Variants in MDGA2 observed in about 807,000 individuals in gnomAD.
MDGA2 encodes the protein MAM domain containing glycosylphosphatidylinositol anchor 2.
MDGA2 carries 40 observed loss-of-function variants against 117.8 expected under a neutral mutation model. The observed-to-expected ratio is 0.34, with a 90% CI of 0.26 to 0.44. MDGA2 has a LOEUF of 0.44. Ranked by LOEUF, MDGA2 falls within the 20% of genes least tolerant of loss-of-function variation. The pLI, the probability that MDGA2 is intolerant of heterozygous loss-of-function variation, is 1.00. For missense variants in MDGA2, 1,123 were observed against 1,250.6 expected (o/e 0.90, Z 1.54); for synonymous variants, 452 against 439.0 (o/e 1.03, Z -0.37).
intron 1 of MDGA2, among the ~76,000 whole-genome samples, chr14:47,646,525 C>G (rs1897538248): frequency 1.3e-5 from 2 of 152,088 alleles, no homozygotes; most frequent in South Asian, 4.1e-4. Context: ...GGTCAGCCAC[C>G]TACTAGTTGG....
intron 1 of MDGA2, among the ~76,000 whole-genome samples, chr14:47,522,253 A>G (rs1454032004): frequency 6.6e-6 from 1 of 152,066 alleles, no homozygotes; most frequent in Non-Finnish European, 1.5e-5. Flanking sequence ...GATTAATCAA[A>G]ACAACATAAT....
intron 8 of MDGA2, among the ~76,000 whole-genome samples, chr14:47,008,231 G>A (rs867484069): frequency 2.0e-5 from 3 of 151,862 alleles, no homozygotes; most frequent in African/African-American, 4.8e-5. Context: ...GAGTAAATAT[G>A]AAGAAGGGCA....
chr14:47,135,124 C>T (rs1189233137), intron 4 of MDGA2, among the ~76,000 whole-genome samples: 1 of 151,792 alleles, frequency 6.6e-6, no homozygotes, highest in East Asian at 1.9e-4. Flanking sequence ...TTTAATAAAC[C>T]TTTCTTTTGT....
chr14:47,029,883 A>C (rs138426293), intron 8 of MDGA2, among the ~76,000 whole-genome samples: 61 of 151,884 alleles, frequency 4.0e-4, no homozygotes, highest in African/African-American at 1.5e-3. Flanking sequence ...GCTTGAGTGC[A>C]GTGGCAAAAT....
chr14:46,932,748 A>C (rs902504677), intron 9 of MDGA2, among the ~76,000 whole-genome samples: 2 of 152,092 alleles, frequency 1.3e-5, no homozygotes, highest in African/African-American at 4.8e-5. Flanking sequence ...AGGTGGGCAA[A>C]CTACTTGGGT....
At chr14:47,039,639 AAAC>A (rs1312647677) in intron 7 of MDGA2, among the ~76,000 whole-genome samples, 1 of 152,222 alleles carries the variant, frequency 6.6e-6, no homozygotes, top group East Asian at 1.9e-4. Flanking sequence ...TTAATTTAAA[AAAC>A]AACAACCTGA....
intron 1 of MDGA2, among the ~76,000 whole-genome samples, chr14:47,641,431 C>G (rs1897421842): frequency 6.6e-6 from 1 of 151,818 alleles, no homozygotes; most frequent in South Asian, 2.1e-4. Flanking sequence ...GAGTCCAGGT[C>G]CAAATGTGAC....
At chr14:47,092,437 C>T (rs1879711410) in intron 6 of MDGA2, among the ~76,000 whole-genome samples, 1 of 152,050 alleles carries the variant, frequency 6.6e-6, no homozygotes, top group African/African-American at 2.4e-5. Context: ...AATCTCAAGC[C>T]ATGATTCTTA....
At chr14:46,895,209 A>G (rs964842104) in intron 10 of MDGA2, among the ~76,000 whole-genome samples, 1 of 152,126 alleles carries the variant, frequency 6.6e-6, no homozygotes, top group African/African-American at 2.4e-5. Context: ...AGGTAATTGA[A>G]TCAGGGGGGC....
intron 8 of MDGA2, among the ~76,000 whole-genome samples, chr14:46,968,856 T>C (rs1007465373): frequency 1.0e-4 from 15 of 145,406 alleles, no homozygotes; most frequent in African/African-American, 3.8e-4. Flanking sequence ...AAAAAACAAA[T>C]CCTAGATTTG....
At chr14:46,984,866 G>C (rs1886807260) in intron 8 of MDGA2, among the ~76,000 whole-genome samples, 1 of 152,002 alleles carries the variant, frequency 6.6e-6, no homozygotes, top group South Asian at 2.1e-4. Context: ...CAAAACTTAA[G>C]CTTGGACCTA....
chr14:47,049,113 G>C (rs1889363251), intron 7 of MDGA2, among the ~76,000 whole-genome samples: 2 of 151,982 alleles, frequency 1.3e-5, no homozygotes, highest in Non-Finnish European at 2.9e-5. Flanking sequence ...GTATTATTTA[G>C]AAAGCCATGG....
chr14:47,244,785 T>C lies in MDGA2; in HGVS notation c.421-26590A>G, dbSNP rs183556089. Among the ~76,000 whole-genome samples, 497 of 151,866 alleles carry C rather than the reference T, an allele frequency of 3.3e-3. 15 individuals are homozygous for C. The highest frequency in any genetic ancestry group is 5.0e-3 in the Non-Finnish European group (339 of 67,786). On this transcript the variant is annotated intron_variant, in intron 2 of 16. Coordinates refer to ENST00000399232, the MANE Select transcript of MDGA2 (RefSeq NM_001113498.3). Reference sequence around the variant, plus strand: ...AAAATGTGGGTTCTGTGTCTGTATATTTTTATATACATATACCGAAACAGT... The same window carrying C: ...AAAATGTGGGTTCTGTGTCTGTATACTTTTATATACATATACCGAAACAGT...
At chr14:47,647,887 A>G (rs535650003) in intron 1 of MDGA2, among the ~76,000 whole-genome samples, 45 of 152,256 alleles carry the variant, frequency 3.0e-4, no homozygotes, top group African/African-American at 9.6e-4. Context: ...GAAAAGACAA[A>G]CATTTAAGGT....
Position 47,030,923 on chromosome 14 carries a change from A to G in MDGA2, c.1819+4088T>C, listed in dbSNP as rs538974757. Among the ~76,000 whole-genome samples the G allele has an allele frequency of 2.6e-5, 4 of 152,266 alleles. No homozygotes were observed. In the South Asian group the frequency reaches 8.3e-4, roughly 32 times the overall value. ...AGAAAAAGCCTTTTGTTTTCTAAAA[A>G]TTAGCAATGTGAACAAGAATTAATC... On this transcript the variant is annotated intron_variant, in intron 8 of 16. Transcript: ENST00000399232.
intron 5 of MDGA2, among the ~76,000 whole-genome samples, chr14:47,117,839 T>C (rs1186651344): frequency 1.3e-5 from 2 of 152,148 alleles, no homozygotes; most frequent in African/African-American, 2.4e-5. Context: ...TGGTACAACA[T>C]TGCAATTATA....
chr14:47,185,207 G>A (rs933036795), intron 3 of MDGA2, among the ~76,000 whole-genome samples: 1 of 150,864 alleles, frequency 6.6e-6, no homozygotes, highest in African/African-American at 2.4e-5. Context: ...ATATTAACCA[G>A]AATAATATTA....
At chr14:47,099,441 T>C (rs917688877) in intron 5 of MDGA2, among the ~76,000 whole-genome samples, 3 of 151,952 alleles carry the variant, frequency 2.0e-5, no homozygotes, top group Non-Finnish European at 1.5e-5. Flanking sequence ...ATATTTCATA[T>C]TGGATGAATC....
chr14:47,589,264 C>T (rs1896391061), intron 1 of MDGA2, among the ~76,000 whole-genome samples: 2 of 151,998 alleles, frequency 1.3e-5, no homozygotes, highest in South Asian at 2.1e-4. Flanking sequence ...CTAACCTAAA[C>T]TCATGAAGAT....
Sources: gnomAD v4.1 joint callset for allele counts (sites outside exome capture counted in the v4.1 genomes callset) on GRCh38, gnomAD v4.1.1 for gene constraint, MANE v1.5 for transcripts, NCBI Gene and HGNC (gene_info 2026-07-23, HGNC 2026-07-21) for gene names.